The following RHNO1 variants were observed in gnomAD, a reference collection of about 807,000 sequenced individuals.
RHNO1 encodes RAD9, HUS1, RAD1-interacting nuclear orphan protein 1.
RHNO1 carries 9 observed loss-of-function variants against 7.2 expected under a neutral mutation model. The observed-to-expected ratio is 1.25, with a 90% CI of 0.75 to 2.18. The LOEUF (loss-of-function observed/expected upper bound fraction) is 2.18, where lower values mean the gene tolerates loss of function less well. Among genes scored for constraint, RHNO1 ranks in the 30% most tolerant of loss-of-function variants. RHNO1 has a pLI of 0.00. For missense variants in RHNO1, 292 were observed against 284.5 expected, an observed-to-expected ratio of 1.03 and a Z score of -0.19; for synonymous variants, 95 against 107.5, an observed-to-expected ratio of 0.88 and a Z score of 0.72.
At chr12:2,883,077 A>C (rs950184875) in intron 1 of RHNO1, among the ~76,000 whole-genome samples, 1 of 150,964 alleles carries the variant, frequency 6.6e-6, no homozygotes, top group Non-Finnish European at 1.5e-5. Flanking sequence ...AAAAAAAAAA[A>C]AAAAAAAACA....
At position 2,885,280 on chromosome 12, in the gene RHNO1, CAGGCATGGGTTGGAATTGG is replaced by C; in HGVS notation, c.-84_-66del. 8.5e-7 allele frequency: 1 copy of C among 1,174,362 alleles called. No homozygotes were observed. Among genetic ancestry groups the C allele is most frequent in the Non-Finnish European group, 1.2e-6 (1 of 825,408 alleles). The allele number at this position is 1,174,362 out of a possible 1,614,324, so 72.7% of individuals were successfully genotyped here. A position where few individuals can be genotyped will look rare whatever the true frequency, so the allele number is the denominator to read the frequency against. On this transcript the variant is annotated splice_acceptor_variant and 5_prime_UTR_variant, in exon 2 of 3. Transcript: ENST00000489288. LOFTEE classifies it low-confidence loss of function (5UTR_SPLICE). The stretch of plus-strand genomic sequence containing the variant: ...GCTCCCAGCTTTTGTTTCTTCTCTA[CAGGCATGGGTTGGAATTGG>C]AGCCTATCCCCCAACCCGAAGGCTA...
chr12:2,882,702 C>G (rs2098159481), intron 1 of RHNO1, among the ~76,000 whole-genome samples: 1 of 151,934 alleles, frequency 6.6e-6, no homozygotes, highest in South Asian at 2.1e-4. Context: ...GACTCCGTCT[C>G]AAAAGATAAA....
chr12:2,877,623 C>T (rs917573699), intron 1 of RHNO1, among the ~76,000 whole-genome samples: 1 of 152,170 alleles, frequency 6.6e-6, no homozygotes, highest in Non-Finnish European at 1.5e-5. Context: ...GTATTATCTC[C>T]GCTTTCTTCC....
In RHNO1 at chr12:2,888,773, G is replaced by T. The variant is rs11062399; in HGVS notation, c.*314G>T. 19,650 of 228,500 alleles carry T rather than the reference G, an allele frequency of 0.086. 2,154 individuals are homozygous for T. Among genetic ancestry groups the T allele is most frequent in the African/African-American group, 0.29 (12,877 of 44,346 alleles). 14.2% of individuals were successfully genotyped at this position (228,500 alleles called of 1,614,324 possible). On this transcript the variant is annotated 3_prime_UTR_variant, in exon 3 of 3. Coordinates refer to ENST00000489288, the MANE Select transcript of RHNO1 (RefSeq NM_001252499.3). Reference sequence around the variant, plus strand: ...TCAAAATCCTGACCTCAAGTCATCTGCTGGCCTTGACCTCACAAAGTGCTG... The same window carrying T: ...TCAAAATCCTGACCTCAAGTCATCTTCTGGCCTTGACCTCACAAAGTGCTG...
intron 1 of RHNO1, among the ~76,000 whole-genome samples, chr12:2,882,139 G>T (rs895890691): frequency 1.3e-5 from 2 of 151,318 alleles, no homozygotes; most frequent in Non-Finnish European, 2.9e-5. Context: ...CACCAAAGAA[G>T]CCCTTATTAA....
At position 2,889,420 on chromosome 12, in the gene RHNO1, A is replaced by G. The variant is rs527470766; in HGVS notation, c.*961A>G. On this transcript the variant is annotated 3_prime_UTR_variant, in exon 3 of 3. Coordinates refer to ENST00000489288, the MANE Select transcript of RHNO1 (RefSeq NM_001252499.3). ...TAAATAAGGAAAGTTTTCAATGAGT[A>G]TTACTTATTGTAATTAATGCAGAAG... 2 of 152,192 alleles carry G rather than the reference A, an allele frequency of 1.3e-5. No homozygotes were observed. The highest frequency in any genetic ancestry group is 2.9e-5 in the Non-Finnish European group (2 of 68,044). 9.4% of individuals were successfully genotyped at this position (152,192 alleles called of 1,614,324 possible). A position where few individuals can be genotyped will look rare whatever the true frequency, so the allele number is the denominator to read the frequency against.
chr12:2,879,305 A>G (rs2098154291), intron 1 of RHNO1, among the ~76,000 whole-genome samples: 1 of 150,944 alleles, frequency 6.6e-6, no homozygotes, highest in Non-Finnish European at 1.5e-5. Context: ...TGCGCGGCCA[A>G]GTTCAGTTTT....
intron 2 of RHNO1, among the ~76,000 whole-genome samples, chr12:2,887,608 G>A (rs975996299): frequency 5.9e-5 from 9 of 152,066 alleles, no homozygotes; most frequent in Admixed American, 1.3e-4. Context: ...AGATGGTGCC[G>A]CTGCATTCCA....
At chr12:2,878,402 G>A (rs2098151837) in intron 1 of RHNO1, among the ~76,000 whole-genome samples, 2 of 151,004 alleles carry the variant, frequency 1.3e-5, no homozygotes, top group Admixed American at 6.6e-5. Context: ...GAGTACAAAG[G>A]CTGAGAAATA....
At chr12:2,877,213 T>A (rs1483790865), upstream of RHNO1, 1 of 152,240 alleles carries the variant, frequency 6.6e-6, no homozygotes, top group Non-Finnish European at 1.5e-5. Flanking sequence ...GGCGCCGGCC[T>A]TGTCTCGGCA....
Position 2,885,415 on chromosome 12 carries a change from C to T in RHNO1, c.49C>T (p.Leu17=), listed in dbSNP as rs1198292085. 2 of 1,613,930 alleles carry T rather than the reference C, an allele frequency of 1.2e-6. No individual in the cohort carries two copies. The highest frequency in any genetic ancestry group is 4.5e-5 in the East Asian group (2 of 44,880). ...CCAGCCTTCCCAGAAAGCCCCGCTGCTGTTCCACCAACAACCACTGGAGGG... is the reference window on the plus strand; with the variant it reads ...CCAGCCTTCCCAGAAAGCCCCGCTGTTGTTCCACCAACAACCACTGGAGGG... The part of the protein sequence containing the change: ...RRQPSQKAPL[L]FHQQPLEGPK... Residue 17 remains leucine (L), a synonymous_variant, in exon 2 of 3, where the codon CTG becomes TTG. Transcript: ENST00000489288.
In RHNO1 at chr12:2,880,591, G is replaced by C. The variant is rs571380489; in HGVS notation, c.-85+3309G>C. Among the ~76,000 whole-genome samples, 16 of 152,198 alleles carry C rather than the reference G, an allele frequency of 1.1e-4. No individual in the cohort carries two copies. In the East Asian group the frequency reaches 3.1e-3, roughly 29 times the overall value. On this transcript the variant is annotated intron_variant, in intron 1 of 2. Coordinates refer to ENST00000489288, the MANE Select transcript of RHNO1 (RefSeq NM_001252499.3). The stretch of plus-strand genomic sequence containing the variant: ...ATCACGCTACTGCACTCCAGCCTGG[G>C]CAACAGAGTGAGACTTTGTCTCAAA...
intron 1 of RHNO1, among the ~76,000 whole-genome samples, chr12:2,884,204 G>A (rs922019494): frequency 6.6e-6 from 1 of 151,158 alleles, no homozygotes; most frequent in Non-Finnish European, 1.5e-5. Context: ...CGGATTACAG[G>A]CATGCACCAC....
intron 1 of RHNO1, 122 bp from the exon 2 acceptor site, chr12:2,885,161 G>A (rs1396687416): frequency 2.0e-6 from 1 of 500,674 alleles, no homozygotes; most frequent in Non-Finnish European, 3.5e-6. Context: ...GGTGGTTGTA[G>A]GTATAGGAGG....
intron 1 of RHNO1, among the ~76,000 whole-genome samples, chr12:2,883,208 A>G (rs917152412): frequency 1.3e-5 from 2 of 151,198 alleles, no homozygotes; most frequent in East Asian, 1.9e-4. Context: ...ACGAAACCCT[A>G]TTTCTACAAA....
In RHNO1 at chr12:2,888,493, G is replaced by A. The variant is rs2098168381; in HGVS notation, c.*34G>A. ...AGTAATCTCAATAGAAAAGAGATAT[G>A]TTTTCTGGAGTCATAAAGGAATTCA... On this transcript the variant is annotated 3_prime_UTR_variant, in exon 3 of 3. Transcript: ENST00000489288. The A allele has an allele frequency of 6.7e-7, 1 of 1,490,616 alleles. No individual in the cohort carries two copies. Among genetic ancestry groups the A allele is most frequent in the Non-Finnish European group, 9.0e-7 (1 of 1,113,720 alleles). The allele number at this position is 1,490,616 out of a possible 1,614,324, so 92.3% of individuals were successfully genotyped here.
At position 2,888,259 on chromosome 12, in the gene RHNO1, G is replaced by C; in HGVS notation, c.517G>C (p.Asp173His). 6.2e-7 allele frequency: 1 copy of C among 1,614,100 alleles called. No individual in the cohort carries two copies. Among genetic ancestry groups the C allele is most frequent in the Non-Finnish European group, 8.5e-7 (1 of 1,180,030 alleles). The change falls in exon 3 of 3, where the codon GAT becomes CAT. Residue 173 changes from aspartate to histidine, a missense_variant. Transcript: ENST00000489288. ...TGTGAAGGAAGAACTCATTCCCCAA[G>C]ATCAGAAGGAAAACAGCCTTCTAAG... is the stretch of plus-strand genomic sequence containing the variant. ...SSVKEELIPQ[D>H]QKENSLLSCT...
chr12:2,881,400 G>C (rs746402461), intron 1 of RHNO1, among the ~76,000 whole-genome samples: 1 of 151,994 alleles, frequency 6.6e-6, no homozygotes, highest in African/African-American at 2.4e-5. Flanking sequence ...ACTGCGCCCG[G>C]CCTCTCTATA....
At position 2,883,085 on chromosome 12, in the gene RHNO1, AC is replaced by A. The variant is rs1381850794; in HGVS notation, c.-84-2197del. Among the ~76,000 whole-genome samples the A allele has an allele frequency of 1.5e-4, 22 of 142,290 alleles. No homozygotes were observed. In the East Asian group the frequency reaches 5.0e-3, roughly 32 times the overall value. 93.3% of individuals were successfully genotyped at this position (142,290 alleles called of 152,430 possible). A position where few individuals can be genotyped will look rare whatever the true frequency, so the allele number is the denominator to read the frequency against. On this transcript the variant is annotated intron_variant, in intron 1 of 2. Coordinates refer to ENST00000489288, the MANE Select transcript of RHNO1 (RefSeq NM_001252499.3). Reference sequence around the variant, plus strand: ...CTGTCTCAAAAAAAAAAAAAAAAAAACACATAGAAAACCTGGGGTGTGGTGG... The same window carrying A: ...CTGTCTCAAAAAAAAAAAAAAAAAAAACATAGAAAACCTGGGGTGTGGTGG...
Sources: allele counts gnomAD v4.1 joint callset (sites outside exome capture counted in the v4.1 genomes callset), GRCh38; gene constraint gnomAD v4.1.1; transcripts MANE v1.5; gene names NCBI Gene and HGNC (gene_info 2026-07-23, HGNC 2026-07-21).